Variants in TMEM117 observed in about 807,000 individuals in gnomAD.
TMEM117 encodes the protein transmembrane protein 117.
A neutral mutation model predicts 52.4 loss-of-function variants in TMEM117; 27 were observed. The ratio of observed to expected loss-of-function variants is 0.51; its 90% confidence interval spans 0.38 to 0.71. The LOEUF is 0.71. Among genes scored for constraint, TMEM117 ranks in the 30% least tolerant of loss-of-function variants. The pLI, the probability that TMEM117 is intolerant of heterozygous loss-of-function variation, is 0.00. For missense variants in TMEM117, 556 were observed against 630.5 expected (o/e 0.88, Z 1.26); for synonymous variants, 215 against 206.3 (o/e 1.04, Z -0.36).
intron 3 of TMEM117, among the ~76,000 whole-genome samples, chr12:44,020,685 C>T (rs2137832819): frequency 6.6e-6 from 1 of 152,258 alleles, no homozygotes; most frequent in South Asian, 2.1e-4. Flanking sequence ...ATTCCATAAA[C>T]ATTCTGTAGT....
intron 6 of TMEM117, among the ~76,000 whole-genome samples, chr12:44,301,733 G>A (rs1428067458): frequency 6.6e-6 from 1 of 150,882 alleles, no homozygotes; most frequent in Non-Finnish European, 1.5e-5. Context: ...TTCTCTTATT[G>A]TAAAATGGCC....
chr12:43,971,268 G>A (rs1462634907), intron 3 of TMEM117, among the ~76,000 whole-genome samples: 2 of 152,118 alleles, frequency 1.3e-5, no homozygotes, highest in Non-Finnish European at 2.9e-5. Context: ...ATATGTTCAT[G>A]TGGTGGTAAT....
intron 3 of TMEM117, among the ~76,000 whole-genome samples, chr12:43,972,735 G>A (rs1838325): frequency 2.1e-4 from 32 of 152,120 alleles, no homozygotes; most frequent in African/African-American, 7.0e-4. Flanking sequence ...GCTACAGAGC[G>A]CTGATGGCTG....
At chr12:43,811,281 C>T in the TMEM117 span, among the ~76,000 whole-genome samples, 2 of 152,164 alleles carry the variant, frequency 1.3e-5, no homozygotes, top group Non-Finnish European at 2.9e-5. Context: ...TCCCCACCTC[C>T]TCCTGTTTTC....
chr12:44,190,994 C>G (rs1451375063), intron 4 of TMEM117, among the ~76,000 whole-genome samples: 2 of 149,880 alleles, frequency 1.3e-5, no homozygotes, highest in African/African-American at 4.9e-5. Context: ...TCTCACACTG[C>G]TAATAAAGAC....
intron 2 of TMEM117, among the ~76,000 whole-genome samples, chr12:43,872,142 T>C (rs1943716741): frequency 6.6e-6 from 1 of 152,218 alleles, no homozygotes; most frequent in Non-Finnish European, 1.5e-5. Context: ...CTTCAAGTAA[T>C]ATTCCTGCAT....
intron 3 of TMEM117, among the ~76,000 whole-genome samples, chr12:44,094,153 T>C (rs1947718212): frequency 6.6e-6 from 1 of 152,170 alleles, no homozygotes; most frequent in African/African-American, 2.4e-5. Context: ...ATTGTGCCTA[T>C]GCTTGATTCA....
chr12:44,035,211 G>A (rs1946692040), intron 3 of TMEM117, among the ~76,000 whole-genome samples: 2 of 152,142 alleles, frequency 1.3e-5, no homozygotes, highest in African/African-American at 2.4e-5. Context: ...TTTCTATTGA[G>A]TTCTCTGATT....
intron 5 of TMEM117, among the ~76,000 whole-genome samples, chr12:44,247,811 T>A (rs1053774320): frequency 6.6e-6 from 1 of 152,128 alleles, no homozygotes. Flanking sequence ...GTTGAAGAGG[T>A]TAGTCCTGGG....
chr12:44,386,806 A>G lies in TMEM117; in HGVS notation c.899-1220A>G, dbSNP rs186471204. ...GGATTAAAAGTATTTAGCCTTACAT[A>G]TAATAGGAGCTTTAATAAAATATGT... On this transcript the variant is annotated intron_variant, in intron 7 of 7. Coordinates refer to ENST00000266534, the MANE Select transcript of TMEM117 (RefSeq NM_032256.3). 2.0e-4 allele frequency among the ~76,000 whole-genome samples: 31 copies of G among 152,248 alleles called. 1 individual carries two copies. In the East Asian group the frequency reaches 5.0e-3, roughly 25 times the overall value.
At chr12:44,385,850 C>A (rs910660832) in intron 7 of TMEM117, among the ~76,000 whole-genome samples, 11 of 152,078 alleles carry the variant, frequency 7.2e-5, no homozygotes, top group African/African-American at 2.7e-4. Flanking sequence ...GTTTCTCATC[C>A]CTTTCCTGCC....
At chr12:44,152,343 A>C (rs1481347517) in intron 4 of TMEM117, among the ~76,000 whole-genome samples, 1 of 108,842 alleles carries the variant, frequency 9.2e-6, no homozygotes, top group Non-Finnish European at 1.7e-5. Flanking sequence ...ATTATATATA[A>C]ATTTATATAT....
At chr12:44,058,810 C>G (rs1362734022) in intron 3 of TMEM117, among the ~76,000 whole-genome samples, 1 of 152,174 alleles carries the variant, frequency 6.6e-6, no homozygotes, top group Non-Finnish European at 1.5e-5. Context: ...TTTGTACATT[C>G]TTCTCTGTGA....
chr12:43,851,335 A>G (rs756683130), intron 2 of TMEM117, among the ~76,000 whole-genome samples: 1 of 152,094 alleles, frequency 6.6e-6, no homozygotes, highest in Non-Finnish European at 1.5e-5. Flanking sequence ...ATCAGAATTG[A>G]TATGTTTAGA....
chr12:43,818,628 A>G, the TMEM117 span, among the ~76,000 whole-genome samples: 2 of 151,898 alleles, frequency 1.3e-5, no homozygotes, highest in East Asian at 3.9e-4. Flanking sequence ...TTTAGTAGAG[A>G]CGGGGTTTCA....
At chr12:44,187,770 A>G (rs908077321) in intron 4 of TMEM117, among the ~76,000 whole-genome samples, 3 of 152,074 alleles carry the variant, frequency 2.0e-5, no homozygotes, top group Admixed American at 1.3e-4. Flanking sequence ...GCTTCAGGTA[A>G]GGGGTACAGT....
chr12:44,286,414 T>C (rs974388165), intron 5 of TMEM117, among the ~76,000 whole-genome samples: 1 of 151,976 alleles, frequency 6.6e-6, no homozygotes, highest in African/African-American at 2.4e-5. Flanking sequence ...GCAATCAGCT[T>C]ATATTAGGTA....
chr12:44,321,822 A>G lies in TMEM117; in HGVS notation c.768+22083A>G, dbSNP rs1951134234. 3.3e-5 allele frequency among the ~76,000 whole-genome samples: 5 copies of G among 152,332 alleles called. No individual in the cohort carries two copies. In the South Asian group the frequency reaches 1.0e-3, roughly 32 times the overall value. On this transcript the variant is annotated intron_variant, in intron 6 of 7. Transcript: ENST00000266534. The stretch of plus-strand genomic sequence containing the variant: ...CTCAATATTAATAACATTAGTGTGT[A>G]TTGTATATCCAGATAGAGAATCACT...
chr12:43,895,786 C>T (rs1481843023), intron 2 of TMEM117, among the ~76,000 whole-genome samples: 10 of 152,190 alleles, frequency 6.6e-5, no homozygotes, highest in African/African-American at 2.2e-4. Context: ...AATGCTAATG[C>T]TTAGTTTATG....
Sources: allele counts gnomAD v4.1 joint callset (sites outside exome capture counted in the v4.1 genomes callset), GRCh38; gene constraint gnomAD v4.1.1; transcripts MANE v1.5; gene names NCBI Gene and HGNC (gene_info 2026-07-23, HGNC 2026-07-21).